Variants in CADM2 observed in about 807,000 individuals in gnomAD.
CADM2 encodes immunoglobulin superfamily member 4D.
A neutral mutation model predicts 49.8 loss-of-function variants in CADM2; 12 were observed. The ratio of observed to expected loss-of-function variants is 0.24; its 90% confidence interval spans 0.15 to 0.39. CADM2 has a LOEUF of 0.39. CADM2 is among the 10% of genes least tolerant of loss of function. The pLI, the probability that CADM2 is intolerant of heterozygous loss-of-function variation, is 1.00. For synonymous variants in CADM2, 214 were observed against 175.4 expected (o/e 1.22, Z -1.74); for missense variants, 378 against 492.3 (o/e 0.77, Z 2.20).
chr3:85,456,833 C>CTT (rs35918238), intron 1 of CADM2, among the ~76,000 whole-genome samples: 2 of 132,396 alleles, frequency 1.5e-5, no homozygotes, highest in Non-Finnish European at 3.3e-5. Flanking sequence ...GTGTTTTTTT[C>CTT]TTTTTTTTTT....
intron 8 of CADM2, among the ~76,000 whole-genome samples, chr3:85,989,085 A>T (rs546896757): frequency 2.0e-5 from 3 of 152,334 alleles, no homozygotes; most frequent in South Asian, 4.1e-4. Context: ...GTCATCTTTT[A>T]AAAATATTAA....
At chr3:85,040,637 TG>T (rs1402829231) in intron 1 of CADM2, among the ~76,000 whole-genome samples, 1 of 152,100 alleles carries the variant, frequency 6.6e-6, no homozygotes, top group Non-Finnish European at 1.5e-5. Flanking sequence ...AGATTACCCA[TG>T]GTTGGAATAG....
At chr3:85,014,453 A>G (rs1267745007) in intron 1 of CADM2, among the ~76,000 whole-genome samples, 1 of 152,098 alleles carries the variant, frequency 6.6e-6, no homozygotes, top group Admixed American at 6.5e-5. Flanking sequence ...TGTGCATAGG[A>G]AAAAAACATA....
intron 8 of CADM2, among the ~76,000 whole-genome samples, chr3:85,963,237 T>A (rs192945800): frequency 2.7e-4 from 41 of 152,052 alleles, no homozygotes; most frequent in Non-Finnish European, 4.4e-4. Context: ...TAGAAAATAG[T>A]AGAACTAACA....
intron 3 of CADM2, among the ~76,000 whole-genome samples, chr3:85,840,157 A>G (rs566060756): frequency 4.4e-4 from 67 of 151,906 alleles, no homozygotes; most frequent in African/African-American, 1.6e-3. Context: ...GACTGCTCCT[A>G]TTGCATCAAC....
intron 1 of CADM2, among the ~76,000 whole-genome samples, chr3:85,060,611 A>G (rs1297038436): frequency 6.6e-6 from 1 of 152,152 alleles, no homozygotes; most frequent in African/African-American, 2.4e-5. Context: ...TATTATTCCC[A>G]TAATTCCTAT....
At chr3:85,736,310 T>C (rs2068134722) in intron 2 of CADM2, among the ~76,000 whole-genome samples, 1 of 152,166 alleles carries the variant, frequency 6.6e-6, no homozygotes, top group Non-Finnish European at 1.5e-5. Context: ...AAATTAATCA[T>C]ATAATCACCT....
chr3:85,802,322 A>G (rs1208799089), intron 3 of CADM2, 126 bp downstream of exon 3: 10 of 805,808 alleles, frequency 1.2e-5, no homozygotes, highest in African/African-American at 1.1e-4. Flanking sequence ...TTGTATTTAA[A>G]CATGTTAAAT....
chr3:85,404,591 A>G (rs1216894543), intron 1 of CADM2, among the ~76,000 whole-genome samples: 2 of 152,156 alleles, frequency 1.3e-5, no homozygotes, highest in Non-Finnish European at 2.9e-5. Context: ...TAATCAATCT[A>G]TGTAAGACAA....
chr3:85,635,774 ACT>A (rs2064454105), intron 1 of CADM2, among the ~76,000 whole-genome samples: 2 of 152,220 alleles, frequency 1.3e-5, no homozygotes, highest in South Asian at 4.1e-4. Context: ...CTAGAAAAAA[ACT>A]CTGAGTTAAA....
intron 1 of CADM2, among the ~76,000 whole-genome samples, chr3:85,596,095 T>C (rs551968951): frequency 6.6e-6 from 1 of 152,010 alleles, no homozygotes; most frequent in Admixed American, 6.6e-5. Flanking sequence ...TTTCAGCATA[T>C]TTATTTATCT....
intron 1 of CADM2, among the ~76,000 whole-genome samples, chr3:85,352,350 T>C (rs1035287148): frequency 2.6e-5 from 4 of 152,196 alleles, no homozygotes; most frequent in Non-Finnish European, 4.4e-5. Context: ...TTAGGAGGAC[T>C]ATCTTGCCAA....
chr3:85,831,071 A>G (rs536348225), intron 3 of CADM2, among the ~76,000 whole-genome samples: 1 of 151,928 alleles, frequency 6.6e-6, no homozygotes, highest in Admixed American at 6.6e-5. Context: ...ACTCTCACTT[A>G]TAAGAGAGAA....
At chr3:85,164,454 G>A (rs1255332487) in intron 1 of CADM2, among the ~76,000 whole-genome samples, 1 of 151,972 alleles carries the variant, frequency 6.6e-6, no homozygotes, top group African/African-American at 2.4e-5. Flanking sequence ...CCTATCCCTT[G>A]CCCTCAATCA....
intron 8 of CADM2, 122 bp downstream of exon 8, chr3:85,961,769 CTTATGAGATATTTAA>C (rs1304660265): frequency 4.2e-6 from 2 of 474,016 alleles, no homozygotes; most frequent in Non-Finnish European, 3.5e-6. Context: ...TTCAGGACAT[CTTATGAGATATTTAA>C]TTATGAGATA....
At chr3:85,356,055 A>G (rs2031829017) in intron 1 of CADM2, among the ~76,000 whole-genome samples, 1 of 152,130 alleles carries the variant, frequency 6.6e-6, no homozygotes, top group Non-Finnish European at 1.5e-5. Context: ...CTACTGGGAC[A>G]TGGTTTATGT....
intron 3 of CADM2, among the ~76,000 whole-genome samples, chr3:85,865,322 GC>G (rs575721099): frequency 1.8e-3 from 268 of 152,252 alleles, no homozygotes; most frequent in African/African-American, 5.7e-3. Context: ...CATTGTATTT[GC>G]TTCTTCTCTG....
At chr3:85,032,889 T>C (rs996851760) in intron 1 of CADM2, among the ~76,000 whole-genome samples, 1 of 152,314 alleles carries the variant, frequency 6.6e-6, no homozygotes, top group African/African-American at 2.4e-5. Context: ...AAACTTTTCA[T>C]GGCAATTGTG....
chr3:85,140,257 A>G (rs1329636283), intron 1 of CADM2, among the ~76,000 whole-genome samples: 2 of 152,202 alleles, frequency 1.3e-5, no homozygotes, highest in East Asian at 1.9e-4. Flanking sequence ...CAGAAAATTT[A>G]TAGTTAGTAA....
Sources: allele counts gnomAD v4.1 joint callset (sites outside exome capture counted in the v4.1 genomes callset), GRCh38; gene constraint gnomAD v4.1.1; transcripts MANE v1.5; gene names NCBI Gene and HGNC (gene_info 2026-07-23, HGNC 2026-07-21).